MSANTD4: variants seen among roughly 807,000 people sequenced by gnomAD.
MSANTD4 encodes the protein Myb/SANT DNA binding domain containing 4 with coiled-coils.
A neutral mutation model predicts 34.3 loss-of-function variants in MSANTD4; 13 were observed. That is an observed-to-expected ratio of 0.38 (90% CI 0.25 to 0.60). The LOEUF is 0.60. Ranked by LOEUF, MSANTD4 falls within the 20% of genes least tolerant of loss-of-function variation. MSANTD4 has a pLI of 0.63. For synonymous variants in MSANTD4, 137 were observed against 145.2 expected (o/e 0.94, Z 0.41); for missense variants, 358 against 401.8 (o/e 0.89, Z 0.93).
chr11:106,009,358 G>A lies in MSANTD4; in HGVS notation c.*177C>T, dbSNP rs192505307. The A allele has an allele frequency of 7.1e-4, 430 of 606,964 alleles. 3 individuals carry two copies. Among genetic ancestry groups the A allele is most frequent in the African/African-American group, 4.6e-4 (25 of 54,104 alleles). 37.6% of individuals were successfully genotyped at this position (606,964 alleles called of 1,614,324 possible). On this transcript the variant is annotated 3_prime_UTR_variant, in exon 3 of 3. Transcript: ENST00000301919. Reference sequence around the variant, plus strand: ...AGTAAGTTTCTGCTATACTGTTTACGCTAGGGCACAGCTTTTATATACTAC... The same window carrying A: ...AGTAAGTTTCTGCTATACTGTTTACACTAGGGCACAGCTTTTATATACTAC...
chr11:106,009,883 C>T lies in MSANTD4; in HGVS notation c.690G>A (p.Lys230=). The T allele has an allele frequency of 6.2e-7, 1 of 1,613,516 alleles. No individual in the cohort carries two copies. Among genetic ancestry groups the T allele is most frequent in the South Asian group, 1.1e-5 (1 of 90,968 alleles). The change falls in exon 3 of 3, where the codon AAG becomes AAA. Residue 230 remains lysine (K), a synonymous_variant. Coordinates refer to ENST00000301919, the MANE Select transcript of MSANTD4 (RefSeq NM_032424.3). ...TCTCTTTCTCGATTTGTAGGCGTTC[C>T]TTTTCTACCTGCAGCCTTTCGGCCT... ...DIEAERLQVE[K]ERLQIEKERL...
At chr11:106,019,433 T>C (rs1859960930) in intron 1 of MSANTD4, among the ~76,000 whole-genome samples, 1 of 152,224 alleles carries the variant, frequency 6.6e-6, no homozygotes, top group African/African-American at 2.4e-5. Flanking sequence ...TTACATTCAA[T>C]AATGTAAGGC....
In MSANTD4 at chr11:106,010,076, G is replaced by A. The variant is rs765363080; in HGVS notation, c.497C>T (p.Ser166Phe). 6.3e-7 allele frequency: 1 copy of A among 1,581,180 alleles called. No homozygotes were observed. Among genetic ancestry groups the A allele is most frequent in the South Asian group, 1.1e-5 (1 of 87,398 alleles). Reference sequence around the variant, plus strand: ...TTCTCTCCTGGAATCTGGTATGACGGATGACAACATTTCTTCCTCCTCCTC... The same window carrying A: ...TTCTCTCCTGGAATCTGGTATGACGAATGACAACATTTCTTCCTCCTCCTC... ...EIEEEEEMLS[S>F]VIPDSRRENE... The change falls in exon 3 of 3, where the codon TCC (serine) becomes TTC (phenylalanine). Residue 166 changes from serine to phenylalanine, a missense_variant. Ser to Phe is a radical substitution (Grantham distance 155). This residue lies in a region of MSANTD4 where 312 missense variants were observed against 317.6 expected (regional missense o/e 0.98). Transcript: ENST00000301919.
intron 1 of MSANTD4, among the ~76,000 whole-genome samples, chr11:106,012,492 AAT>A (rs1323854680): frequency 6.6e-6 from 1 of 152,188 alleles, no homozygotes; most frequent in Non-Finnish European, 1.5e-5. Flanking sequence ...CCATTAAATA[AAT>A]TTTAAAATAT....
intron 1 of MSANTD4, among the ~76,000 whole-genome samples, chr11:106,014,072 A>G (rs1240497794): frequency 1.3e-5 from 2 of 152,224 alleles, no homozygotes; most frequent in East Asian, 1.9e-4. Flanking sequence ...AGGCCTCATA[A>G]GAGACTTTAA....
chr11:106,017,756 T>C (rs904411655), intron 1 of MSANTD4, among the ~76,000 whole-genome samples: 11 of 152,174 alleles, frequency 7.2e-5, no homozygotes, highest in Non-Finnish European at 1.3e-4. Context: ...TAAGAGAATT[T>C]ACTGAAAACA....
chr11:106,012,536 G>A (rs998482024), intron 1 of MSANTD4, among the ~76,000 whole-genome samples: 2 of 152,132 alleles, frequency 1.3e-5, no homozygotes, highest in African/African-American at 4.8e-5. Context: ...CAGATTTTGA[G>A]TGGAAAAGAT....
Position 106,022,136 on chromosome 11 carries a change from C to G in MSANTD4, c.-1325G>C, listed in dbSNP as rs1201421024. 1.3e-5 allele frequency: 2 copies of G among 152,822 alleles called. No individual in the cohort carries two copies. The allele number at this position is 152,822 out of a possible 1,614,324, so 9.5% of individuals were successfully genotyped here. A position where few individuals can be genotyped will look rare whatever the true frequency, so the allele number is the denominator to read the frequency against. On this transcript the variant is annotated 5_prime_UTR_variant, in exon 1 of 3. Transcript: ENST00000301919. ...CGGGACCCTACCCACTGCGAGGGCA[C>G]CCACTGGTCACGGAGCCGCCGCTTC...
intron 1 of MSANTD4, among the ~76,000 whole-genome samples, chr11:106,013,651 A>G (rs531217761): frequency 6.4e-4 from 98 of 152,354 alleles, no homozygotes; most frequent in African/African-American, 2.3e-3. Flanking sequence ...GCCTGAGCTC[A>G]GAAGTTCAAG....
Position 106,010,801 on chromosome 11 carries a change from T to C in MSANTD4, c.117A>G (p.Thr39=). The change falls in exon 2 of 3, where the codon ACA becomes ACG. Residue 39 remains threonine, a synonymous_variant. Transcript: ENST00000301919. ...AAGCCATTCGCTTCATCACATTAAT[T>C]GTTGTATTGAGCTGCTTGGAAAAAA... ...EVIFSKQLNT[T]INVMKRMAWE... 6.2e-7 allele frequency: 1 copy of C among 1,614,218 alleles called. No homozygotes were observed. Among genetic ancestry groups the C allele is most frequent in the Non-Finnish European group, 8.5e-7 (1 of 1,180,034 alleles).
At chr11:106,015,783 T>C in intron 1 of MSANTD4, among the ~76,000 whole-genome samples, 1 of 152,218 alleles carries the variant, frequency 6.6e-6, no homozygotes, top group Middle Eastern at 3.4e-3. Flanking sequence ...GTAAATCAAA[T>C]ATTATCTAAT....
rs768513003 is a variant in MSANTD4, at chr11:106,010,491, C to T, written c.427G>A (p.Val143Met). Residue 143 changes from valine to methionine, a missense_variant, in exon 2 of 3, where the codon GTG becomes ATG. This residue lies in a region of MSANTD4 where 312 missense variants were observed against 317.6 expected (regional missense o/e 0.98). Coordinates refer to ENST00000301919, the MANE Select transcript of MSANTD4 (RefSeq NM_032424.3). ...DAGGSLTEVK[V>M]EEEERDPQSP... ...TGCGGATCCCTTTCTTCCTCTTCCACCTTGACCTCAGTTAAGGATCCACCT... is the reference window on the plus strand; with the variant it reads ...TGCGGATCCCTTTCTTCCTCTTCCATCTTGACCTCAGTTAAGGATCCACCT... 18 of 1,613,894 alleles carry T rather than the reference C, an allele frequency of 1.1e-5. 1 individual carries two copies. The highest frequency in any genetic ancestry group is 1.4e-5 in the Non-Finnish European group (16 of 1,179,954).
intron 2 of MSANTD4, 146 bp downstream of exon 2, chr11:106,010,310 C>G: frequency 7.5e-7 from 1 of 1,325,210 alleles, no homozygotes; most frequent in Middle Eastern, 2.5e-4. Flanking sequence ...AAAGTATTAA[C>G]GATGTAAAGA....
intron 1 of MSANTD4, among the ~76,000 whole-genome samples, chr11:106,018,751 G>A (rs999829154): frequency 2.5e-4 from 38 of 152,148 alleles, no homozygotes; most frequent in African/African-American, 8.4e-4. Flanking sequence ...CTAGTTGTAG[G>A]ACCAATTCAC....
chr11:106,016,002 G>A (rs1241350899), intron 1 of MSANTD4, among the ~76,000 whole-genome samples: 1 of 152,088 alleles, frequency 6.6e-6, no homozygotes, highest in African/African-American at 2.4e-5. Flanking sequence ...TAGCAAGGCA[G>A]GTGCACCACC....
chr11:106,015,797 TAAAAG>T (rs778631407), intron 1 of MSANTD4, among the ~76,000 whole-genome samples: 1 of 152,216 alleles, frequency 6.6e-6, no homozygotes, highest in Non-Finnish European at 1.5e-5. Context: ...ATCTAATAAA[TAAAAG>T]AAAATGAAAT....
intron 1 of MSANTD4, among the ~76,000 whole-genome samples, chr11:106,015,676 TTACTAA>T (rs1396239642): frequency 1.3e-5 from 2 of 152,194 alleles, no homozygotes; most frequent in Non-Finnish European, 2.9e-5. Flanking sequence ...AAGACGGCAC[TTACTAA>T]TACTACAGAA....
intron 1 of MSANTD4, among the ~76,000 whole-genome samples, chr11:106,018,173 T>C (rs1157063329): frequency 6.6e-6 from 1 of 152,190 alleles, no homozygotes; most frequent in African/African-American, 2.4e-5. Context: ...TTTCACTCCA[T>C]ATGCTGTATA....
At chr11:106,014,374 G>A (rs1859785257) in intron 1 of MSANTD4, among the ~76,000 whole-genome samples, 1 of 152,152 alleles carries the variant, frequency 6.6e-6, no homozygotes, top group Non-Finnish European at 1.5e-5. Context: ...CCTGATTCAA[G>A]AATCACTGTT....
Sources: allele counts gnomAD v4.1 joint callset (sites outside exome capture counted in the v4.1 genomes callset), GRCh38; gene constraint gnomAD v4.1.1; regional missense constraint gnomAD v4.1.1; transcripts MANE v1.5; gene names NCBI Gene and HGNC (gene_info 2026-07-23, HGNC 2026-07-21).